Variants in NEK1 observed in about 807,000 individuals in gnomAD.
The protein encoded by NEK1 is NIMA related kinase 1, also known as serine/threonine-protein kinase Nek1.
Under a neutral mutation model 182.1 loss-of-function variants are expected in NEK1, and 137 were observed. That is an observed-to-expected ratio of 0.75 (90% CI 0.65 to 0.87). The LOEUF (loss-of-function observed/expected upper bound fraction) is 0.87, where lower values mean the gene tolerates loss of function less well. Ranked by LOEUF, NEK1 falls within the 40% of genes least tolerant of loss-of-function variation. The probability of loss-of-function intolerance (pLI) is 0.00; values close to 1 mark genes in which losing one functional copy is unlikely to be tolerated. For missense variants in NEK1, 1,391 were observed against 1,494.4 expected (o/e 0.93, Z 1.14); for synonymous variants, 513 against 492.2 (o/e 1.04, Z -0.56).
At position 169,580,888 on chromosome 4, in the gene NEK1, T is replaced by G. The variant is rs1484671994; in HGVS notation, c.822A>C (p.Glu274Asp). ...ACTTCGAAAATGTTTTTAGACAAAA[T>G]TCTTCTGCAATAAGCTGAGATTGAA... ...KFLSPQLIAE[E>D]FCLKTFSKFG... The change falls in exon 11 of 36, where the codon GAA becomes GAC. Residue 274 changes from glutamate (E) to aspartate (D), a missense_variant. Physicochemically the swap from Glu to Asp is conservative, Grantham distance 45. Around this residue, in one of 5 missense-constraint regions of NEK1, gnomAD observed 1,216 missense variants for 1,277.6 expected, o/e 0.95. Coordinates refer to ENST00000507142, the MANE Select transcript of NEK1 (RefSeq NM_001199397.3). 2.0e-6 allele frequency: 3 copies of G among 1,530,026 alleles called. No homozygotes were observed. In the African/African-American group the frequency reaches 4.1e-5, roughly 21 times the overall value. 94.8% of individuals were successfully genotyped at this position (1,530,026 alleles called of 1,614,324 possible). A position where few individuals can be genotyped will look rare whatever the true frequency, so the allele number is the denominator to read the frequency against.
chr4:169,486,971 G>A (rs185169014), intron 23 of NEK1, among the ~76,000 whole-genome samples: 1 of 151,944 alleles, frequency 6.6e-6, no homozygotes, highest in East Asian at 1.9e-4. Flanking sequence ...TATAGCATAC[G>A]TGATGGCTGA....
At chr4:169,473,511 G>T (rs1165432273) in intron 26 of NEK1, among the ~76,000 whole-genome samples, 1 of 151,920 alleles carries the variant, frequency 6.6e-6, no homozygotes, top group Non-Finnish European at 1.5e-5. Context: ...ACCTGCACAT[G>T]TACACCCTGA....
intron 27 of NEK1, among the ~76,000 whole-genome samples, chr4:169,449,444 G>A (rs903896009): frequency 6.6e-6 from 1 of 152,146 alleles, no homozygotes; most frequent in Non-Finnish European, 1.5e-5. Flanking sequence ...TGCCACTCTG[G>A]GACAAAGCTT....
intron 23 of NEK1, among the ~76,000 whole-genome samples, chr4:169,493,035 G>C (rs2149616453): frequency 6.6e-6 from 1 of 152,174 alleles, no homozygotes; most frequent in East Asian, 1.9e-4. Flanking sequence ...GGCTTCTCTG[G>C]TGGCTCGATG....
rs1770478108 is a variant in NEK1 at position 169,601,466 on chromosome 4, G to C, written c.214+542C>G. 2.0e-5 allele frequency among the ~76,000 whole-genome samples: 3 copies of C among 152,012 alleles called. 1 individual carries two copies. The highest frequency in any genetic ancestry group is 4.4e-5 in the Non-Finnish European group (3 of 68,008). On this transcript the variant is annotated intron_variant, in intron 4 of 35. Coordinates refer to ENST00000507142, the MANE Select transcript of NEK1 (RefSeq NM_001199397.3). ...CATATAGTTCCAAAACAGCATTATA[G>C]CTATAATACTTTAAGAACCTGAGAA...
At chr4:169,461,940 A>G (rs757777896) in intron 27 of NEK1, among the ~76,000 whole-genome samples, 1 of 152,144 alleles carries the variant, frequency 6.6e-6, no homozygotes, top group South Asian at 2.1e-4. Flanking sequence ...AAGAGAAATC[A>G]TAAGTTATTT....
At chr4:169,453,290 T>C (rs1421167126) in intron 27 of NEK1, among the ~76,000 whole-genome samples, 1 of 152,218 alleles carries the variant, frequency 6.6e-6, no homozygotes. Context: ...AATGACTTTC[T>C]TCACAGAATT....
chr4:169,490,464 C>A (rs894867443), intron 23 of NEK1, among the ~76,000 whole-genome samples: 1 of 151,958 alleles, frequency 6.6e-6, no homozygotes, highest in African/African-American at 2.4e-5. Flanking sequence ...GAATAATTCT[C>A]CAGATAATGA....
At chr4:169,600,227 G>C (rs1289737490) in intron 4 of NEK1, among the ~76,000 whole-genome samples, 1 of 151,826 alleles carries the variant, frequency 6.6e-6, no homozygotes, top group Non-Finnish European at 1.5e-5. Context: ...TTTTGAGACA[G>C]GGTCCAGGTT....
chr4:169,503,995 A>G (rs1468704334), intron 23 of NEK1, among the ~76,000 whole-genome samples: 2 of 152,150 alleles, frequency 1.3e-5, no homozygotes, highest in Non-Finnish European at 1.5e-5. Flanking sequence ...GGGATTAATA[A>G]CCAGAATATA....
Position 169,394,535 on chromosome 4 carries a change from A to T in NEK1, c.3848-12T>A. ...TTATTCATCATTATCTGTAGAAAAA[A>T]GAAAAAAATTGACTTCATTTCAAAT... On this transcript the variant is annotated splice_polypyrimidine_tract_variant and intron_variant, in intron 35 of 35. Transcript: ENST00000507142. 1 of 1,386,678 alleles carries T rather than the reference A, an allele frequency of 7.2e-7. No individual in the cohort carries two copies. The highest frequency in any genetic ancestry group is 9.9e-7 in the Non-Finnish European group (1 of 1,009,028). 85.9% of individuals were successfully genotyped at this position (1,386,678 alleles called of 1,614,324 possible).
At chr4:169,572,169 A>G (rs1173441026) in intron 12 of NEK1, among the ~76,000 whole-genome samples, 1 of 152,200 alleles carries the variant, frequency 6.6e-6, no homozygotes, top group Admixed American at 6.6e-5. Context: ...CTAAGAGGGT[A>G]AGTCTGAAAG....
intron 10 of NEK1, 21 bp from the exon 11 acceptor site, chr4:169,580,923 A>T: frequency 7.2e-7 from 1 of 1,380,878 alleles, no homozygotes; most frequent in Non-Finnish European, 9.9e-7. Flanking sequence ...AAGAGAAAAA[A>T]ATTAGAAAAG....
chr4:169,441,011 C>T (rs1265860049), intron 27 of NEK1, among the ~76,000 whole-genome samples: 2 of 152,206 alleles, frequency 1.3e-5, no homozygotes, highest in Non-Finnish European at 2.9e-5. Flanking sequence ...TACTCCATGT[C>T]CACCTATAGA....
At chr4:169,608,379 G>A (rs976507472) in intron 2 of NEK1, among the ~76,000 whole-genome samples, 7 of 152,078 alleles carry the variant, frequency 4.6e-5, no homozygotes, top group African/African-American at 1.4e-4. Flanking sequence ...GAGACAACTG[G>A]GTAGCCATGT....
intron 27 of NEK1, among the ~76,000 whole-genome samples, chr4:169,460,264 T>A (rs1743713627): frequency 6.6e-6 from 1 of 151,482 alleles, no homozygotes; most frequent in African/African-American, 2.4e-5. Flanking sequence ...CAGTTCCACA[T>A]GGCTGGGGAG....
At chr4:169,557,736 T>C (rs1453845436) in intron 16 of NEK1, among the ~76,000 whole-genome samples, 1 of 152,074 alleles carries the variant, frequency 6.6e-6, no homozygotes, top group Non-Finnish European at 1.5e-5. Context: ...AGTTCGAGAC[T>C]AGCCTGGGCA....
At chr4:169,601,484 C>T (rs1325141651) in intron 4 of NEK1, among the ~76,000 whole-genome samples, 1 of 151,822 alleles carries the variant, frequency 6.6e-6, no homozygotes, top group African/African-American at 2.4e-5. Flanking sequence ...ACTTTAAGAA[C>T]CTGAGAAAAC....
chr4:169,477,907 C>A (rs184895670), intron 24 of NEK1, among the ~76,000 whole-genome samples: 20 of 152,042 alleles, frequency 1.3e-4, no homozygotes, highest in Admixed American at 1.3e-3. Context: ...TGAAGTAATT[C>A]AAAATAGGCT....
Sources: allele counts gnomAD v4.1 joint callset (sites outside exome capture counted in the v4.1 genomes callset), GRCh38; gene constraint gnomAD v4.1.1; regional missense constraint gnomAD v4.1.1; transcripts MANE v1.5; gene names NCBI Gene and HGNC (gene_info 2026-07-23, HGNC 2026-07-21).